SYNCRIP: variants seen among roughly 807,000 people sequenced by gnomAD.
SYNCRIP encodes synaptotagmin binding cytoplasmic RNA interacting protein.
In SYNCRIP, 9 loss-of-function variants were observed where a neutral mutation model predicts 68.9. That is an observed-to-expected ratio of 0.13 (90% CI 0.08 to 0.23). The LOEUF (loss-of-function observed/expected upper bound fraction) is 0.23, where lower values mean the gene tolerates loss of function less well. Among genes scored for constraint, SYNCRIP ranks in the 10% least tolerant of loss-of-function variants. SYNCRIP has a pLI of 1.00. For synonymous variants in SYNCRIP, 258 were observed against 254.0 expected, an observed-to-expected ratio of 1.02 and a Z score of -0.15; for missense variants, 414 against 770.6, an observed-to-expected ratio of 0.54 and a Z score of 5.48.
chr6:85,620,719 G>A (rs1806289524), intron 8 of SYNCRIP, among the ~76,000 whole-genome samples: 1 of 152,178 alleles, frequency 6.6e-6, no homozygotes, highest in Admixed American at 6.5e-5. Context: ...TGGTAGTGAG[G>A]AAGGCTGTGC....
chr6:85,610,801 T>G (rs1805176941), downstream of SYNCRIP: 1 of 152,018 alleles, frequency 6.6e-6, no homozygotes, highest in African/African-American at 2.4e-5. Flanking sequence ...TTACCCACTT[T>G]CCACAACCTA....
At chr6:85,608,116 C>A (rs534448974), downstream of SYNCRIP, 10 of 152,138 alleles carry the variant, frequency 6.6e-5, no homozygotes, top group African/African-American at 2.2e-4. Flanking sequence ...TTAAGACCAG[C>A]CTAATACATT....
At chr6:85,609,463 G>A (rs1805077795), downstream of SYNCRIP, 1 of 151,804 alleles carries the variant, frequency 6.6e-6, no homozygotes, top group African/African-American at 2.4e-5. Flanking sequence ...TTATCATGAG[G>A]AAACTTTACA....
intron 6 of SYNCRIP, among the ~76,000 whole-genome samples, chr6:85,631,754 C>G (rs539021878): frequency 1.6e-4 from 24 of 152,296 alleles, no homozygotes; most frequent in Admixed American, 1.5e-3. Context: ...ATTGTTATGT[C>G]TAACAATAGG....
chr6:85,627,316 CAG>C lies in SYNCRIP; in HGVS notation c.667-3206_667-3205del, dbSNP rs372141685. On this transcript the variant is annotated intron_variant, in intron 6 of 10. Transcript: ENST00000369622. ...TGGAACAATTGTATTACAGGTAACACAGAGAGTCAACTGGCTCTCCAATGAAA... is the reference window on the plus strand; with the variant it reads ...TGGAACAATTGTATTACAGGTAACACAGAGTCAACTGGCTCTCCAATGAAA... Among the ~76,000 whole-genome samples the C allele has an allele frequency of 1.9e-4, 29 of 149,648 alleles. 2 individuals are homozygous for C. The highest frequency in any genetic ancestry group is 5.9e-4 in the African/African-American group (24 of 40,806).
chr6:85,623,562 C>CAAAAAAAAAAAAAAAA (rs67258131), intron 7 of SYNCRIP, among the ~76,000 whole-genome samples: 5 of 63,256 alleles, frequency 7.9e-5, no homozygotes, highest in African/African-American at 3.4e-4. Context: ...AGACTGTCTC[C>CAAAAAAAAAAAAAAAA]AAAAAAAAAA....
downstream of SYNCRIP, chr6:85,612,322 CCTGA>C (rs1238760356): frequency 6.6e-6 from 1 of 152,128 alleles, no homozygotes; most frequent in Non-Finnish European, 1.5e-5. Flanking sequence ...ATCTGGAATG[CCTGA>C]CTAACCAGCT....
At position 85,642,344 on chromosome 6, in the gene SYNCRIP, C is replaced by T. The variant is rs1055701253; in HGVS notation, c.-13+453G>A. ...CGCTGTGCAGGTCCCCACCCCTTAC[C>T]CTTCCGTGCAGTGACTGCGACGCCT... On this transcript the variant is annotated intron_variant, in intron 1 of 10. Transcript: ENST00000369622. Among the ~76,000 whole-genome samples, 129 of 152,308 alleles carry T rather than the reference C, an allele frequency of 8.5e-4. 1 individual carries two copies. Among genetic ancestry groups the T allele is most frequent in the African/African-American group, 2.8e-3 (117 of 41,576 alleles).
intron 6 of SYNCRIP, among the ~76,000 whole-genome samples, chr6:85,627,204 G>GTGGAGC (rs1807154126): frequency 6.7e-6 from 1 of 150,038 alleles, no homozygotes; most frequent in Non-Finnish European, 1.5e-5. Flanking sequence ...GGCGGCAGGG[G>GTGGAGC]TTGCAGTGAG....
chr6:85,613,798 A>G (rs559809263), downstream of SYNCRIP, among the ~76,000 whole-genome samples: 10 of 152,276 alleles, frequency 6.6e-5, no homozygotes, highest in South Asian at 1.5e-3. Flanking sequence ...ATGGTGTGCA[A>G]AACAGTCAAG....
chr6:85,627,434 C>G (rs1402851474), intron 6 of SYNCRIP, among the ~76,000 whole-genome samples: 1 of 151,992 alleles, frequency 6.6e-6, no homozygotes, highest in Admixed American at 6.6e-5. Context: ...AAGCAACACC[C>G]CATCTACGGA....
chr6:85,640,368 ATC>A (rs1256446791), intron 3 of SYNCRIP, 40 bp from the exon 4 acceptor site: 11 of 1,593,194 alleles, frequency 6.9e-6, no homozygotes, highest in Admixed American at 1.7e-5. Context: ...CAATAACCAT[ATC>A]TGAGTCTAAT....
intron 6 of SYNCRIP, among the ~76,000 whole-genome samples, chr6:85,635,535 T>C (rs1195552168): frequency 2.6e-5 from 4 of 152,142 alleles, no homozygotes; most frequent in Non-Finnish European, 4.4e-5. Context: ...TTTGCGGGGC[T>C]GAGGCAGGCA....
chr6:85,633,676 A>C (rs1808095938), intron 6 of SYNCRIP, among the ~76,000 whole-genome samples: 1 of 152,188 alleles, frequency 6.6e-6, no homozygotes, highest in East Asian at 1.9e-4. Flanking sequence ...CTACCATTGG[A>C]AATTTTTTTT....
intron 6 of SYNCRIP, among the ~76,000 whole-genome samples, chr6:85,625,783 C>A (rs1013598094): frequency 5.3e-5 from 8 of 152,182 alleles, no homozygotes; most frequent in Non-Finnish European, 1.0e-4. Flanking sequence ...AAATTAAGTT[C>A]AACCACCCAA....
upstream of SYNCRIP, among the ~76,000 whole-genome samples, chr6:85,643,549 G>A (rs1465201500): frequency 6.8e-6 from 1 of 146,340 alleles, no homozygotes; most frequent in Non-Finnish European, 1.5e-5. Flanking sequence ...GGGGCGGGCC[G>A]GCTCAGCGTG....
At chr6:85,623,221 A>G (rs1364322970) in intron 7 of SYNCRIP, among the ~76,000 whole-genome samples, 3 of 152,282 alleles carry the variant, frequency 2.0e-5, no homozygotes, top group Non-Finnish European at 4.4e-5. Context: ...CTGTCACTTA[A>G]AAGTTGTTAC....
intron 6 of SYNCRIP, among the ~76,000 whole-genome samples, chr6:85,632,840 G>A (rs147179525): frequency 6.6e-6 from 1 of 152,314 alleles, no homozygotes; most frequent in South Asian, 2.1e-4. Flanking sequence ...AGGAAGCTGA[G>A]GCAGGAGGAT....
rs1809001447 is a variant in SYNCRIP at position 85,640,512 on chromosome 6, T to A, written c.201A>T (p.Glu67Asp). The change falls in exon 3 of 11, where the codon GAA becomes GAT. Residue 67 changes from glutamate (E) to aspartate (D), a missense_variant. Coordinates refer to ENST00000369622, the MANE Select transcript of SYNCRIP (RefSeq NM_006372.5). The part of the protein sequence containing the change: ...LDERAIEALK[E>D]FNEDGALAVL... ...CTGCCAATGCACCGTCTTCATTGAA[T>A]TCTTTTAAAGCTTCAATAGCTCTTT... 6.2e-7 allele frequency: 1 copy of A among 1,609,332 alleles called. No individual in the cohort carries two copies.
Sources: allele counts gnomAD v4.1 joint callset (sites outside exome capture counted in the v4.1 genomes callset), GRCh38; gene constraint gnomAD v4.1.1; transcripts MANE v1.5; gene names NCBI Gene and HGNC (gene_info 2026-07-23, HGNC 2026-07-21).